C2CD3: variants seen among roughly 807,000 people sequenced by gnomAD.
C2CD3 encodes the protein C2 domain containing 3 centriole elongation regulator, also known as C2 domain-containing protein 3.
C2CD3 carries 148 observed loss-of-function variants against 234.0 expected under a neutral mutation model. That is an observed-to-expected ratio of 0.63 (90% CI 0.55 to 0.72). The LOEUF is 0.72. C2CD3 is among the 30% of genes least tolerant of loss of function. The probability of loss-of-function intolerance (pLI) is 0.00; values close to 1 mark genes in which losing one functional copy is unlikely to be tolerated. For synonymous variants in C2CD3, 1,000 were observed against 1,035.4 expected (o/e 0.97, Z 0.66); for missense variants, 2,577 against 2,811.5 (o/e 0.92, Z 1.89).
chr11:74,170,127 ACT>A (rs1857071386), intron 1 of C2CD3, among the ~76,000 whole-genome samples: 1 of 151,402 alleles, frequency 6.6e-6, no homozygotes, highest in African/African-American at 2.4e-5. Context: ...TCTGCTGCAC[ACT>A]CTTTCATGAT....
chr11:74,122,600 T>C (rs1957255536), intron 8 of C2CD3, among the ~76,000 whole-genome samples: 1 of 152,224 alleles, frequency 6.6e-6, no homozygotes, highest in East Asian at 1.9e-4. Context: ...GAGTTTTGTC[T>C]CCTGTGAGTA....
intron 11 of C2CD3, 193 bp downstream of exon 11, chr11:74,113,587 G>A: frequency 1.7e-6 from 1 of 573,180 alleles, no homozygotes; most frequent in Non-Finnish European, 3.2e-6. Context: ...GGCTGAGATG[G>A]GAGAATCACT....
intron 9 of C2CD3, among the ~76,000 whole-genome samples, chr11:74,117,187 T>C (rs1413360883): frequency 6.6e-5 from 1 of 15,242 alleles, no homozygotes. Context: ...TATATATGAA[T>C]ATATATATAT....
intron 28 of C2CD3, among the ~76,000 whole-genome samples, chr11:74,044,812 G>A (rs1442298821): frequency 6.6e-6 from 1 of 151,274 alleles, no homozygotes; most frequent in Non-Finnish European, 1.5e-5. Context: ...GTGGTATTTG[G>A]TTTTCTGTTC....
At chr11:74,099,692 C>T (rs952372108) in intron 15 of C2CD3, among the ~76,000 whole-genome samples, 4 of 151,998 alleles carry the variant, frequency 2.6e-5, no homozygotes, top group Non-Finnish European at 5.9e-5. Context: ...GTCAGGAGAT[C>T]GAGACTGTCC....
intron 24 of C2CD3, among the ~76,000 whole-genome samples, chr11:74,069,457 G>A (rs898673935): frequency 1.1e-4 from 17 of 152,254 alleles, no homozygotes; most frequent in African/African-American, 4.1e-4. Context: ...CAAGAAAGGT[G>A]TAATTGTTTC....
intron 2 of C2CD3, 97 bp from the exon 3 acceptor site, chr11:74,161,653 C>A: frequency 1.4e-6 from 1 of 698,742 alleles, no homozygotes; most frequent in Non-Finnish European, 2.3e-6. Flanking sequence ...AGCTTTCTAA[C>A]TTGAAAAAAA....
chr11:74,060,774 T>C (rs1056394742), intron 24 of C2CD3, among the ~76,000 whole-genome samples: 5 of 152,184 alleles, frequency 3.3e-5, no homozygotes, highest in African/African-American at 1.2e-4. Flanking sequence ...GGAGAATGAC[T>C]TTGACGAGTT....
intron 31 of C2CD3, among the ~76,000 whole-genome samples, chr11:74,032,797 T>C (rs961613834): frequency 1.3e-5 from 2 of 151,620 alleles, no homozygotes; most frequent in Non-Finnish European, 2.9e-5. Flanking sequence ...TATAAGAATC[T>C]GAGGCTGCAG....
chr11:74,094,611 G>A (rs1251740275), intron 17 of C2CD3, among the ~76,000 whole-genome samples: 2 of 152,108 alleles, frequency 1.3e-5, no homozygotes, highest in Admixed American at 6.5e-5. Flanking sequence ...GACAGTAGGA[G>A]GCAGTGAGAA....
chr11:74,103,059 AAAT>A lies in C2CD3; in HGVS notation c.2580+69_2580+71del, dbSNP rs1956372902. On this transcript the variant is annotated intron_variant, in intron 14 of 32. Coordinates refer to ENST00000334126, the MANE Select transcript of C2CD3 (RefSeq NM_001286577.2). ...GTCTGAACATTCTAGATTTAAGACG[AAAT>A]AATAATTTGGGAGGCATTTGTCTCT... is the stretch of plus-strand genomic sequence containing the variant. The A allele has an allele frequency of 7.7e-6, 11 of 1,422,108 alleles. No homozygotes were observed. The South Asian group carries it at 1.2e-4, about 16-fold the overall frequency. The allele number at this position is 1,422,108 out of a possible 1,614,324, so 88.1% of individuals were successfully genotyped here. A position where few individuals can be genotyped will look rare whatever the true frequency, so the allele number is the denominator to read the frequency against.
chr11:74,038,795 C>T lies in C2CD3; in HGVS notation c.5661-1097G>A, dbSNP rs571407757. Among the ~76,000 whole-genome samples the T allele has an allele frequency of 3.4e-4, 52 of 152,170 alleles. 1 individual carries two copies. Among genetic ancestry groups the T allele is most frequent in the Non-Finnish European group, 6.6e-4 (45 of 68,030 alleles). On this transcript the variant is annotated intron_variant, in intron 29 of 32. Transcript: ENST00000334126. ...ACATCAAACTTTTTCTTAGATTTTCCCTTAATTGTCTCATTATATGTTAGT... is the reference window on the plus strand; with the variant it reads ...ACATCAAACTTTTTCTTAGATTTTCTCTTAATTGTCTCATTATATGTTAGT...
intron 5 of C2CD3, among the ~76,000 whole-genome samples, chr11:74,134,146 T>C (rs1003341887): frequency 1.3e-5 from 2 of 152,238 alleles, no homozygotes; most frequent in Admixed American, 1.3e-4. Context: ...GTATTACTCA[T>C]TTAATCCTCC....
intron 24 of C2CD3, 138 bp from the exon 25 acceptor site, chr11:74,057,682 G>A: frequency 2.2e-6 from 2 of 897,044 alleles, no homozygotes; most frequent in Non-Finnish European, 3.4e-6. Flanking sequence ...TGTCTGAAAT[G>A]TTTTCAGGCT....
intron 27 of C2CD3, among the ~76,000 whole-genome samples, chr11:74,048,995 A>G (rs995937941): frequency 2.0e-5 from 3 of 152,230 alleles, no homozygotes; most frequent in Admixed American, 2.0e-4. Flanking sequence ...AAGACTAATG[A>G]TATCAATGTA....
intron 3 of C2CD3, among the ~76,000 whole-genome samples, chr11:74,150,492 C>CAA (rs769668218): frequency 0.023 from 365 of 15,848 alleles, 21 homozygotes; most frequent in East Asian, 0.042. Context: ...GACCCTGTCT[C>CAA]AAAAAAAAAA....
chr11:74,106,327 T>A (rs777666357), intron 13 of C2CD3, 44 bp downstream of exon 13: 22 of 1,603,368 alleles, frequency 1.4e-5, no homozygotes, highest in Non-Finnish European at 1.7e-5. Flanking sequence ...CAATAATGCA[T>A]ACTCAGCAAA....
At chr11:74,066,666 G>C (rs1365158983) in intron 24 of C2CD3, among the ~76,000 whole-genome samples, 20 of 127,574 alleles carry the variant, frequency 1.6e-4, no homozygotes, top group Admixed American at 1.5e-3. Flanking sequence ...TTTTTTTTTT[G>C]AACAGAAAGA....
In C2CD3 at chr11:74,103,309, C is replaced by A. The variant is rs370228311; in HGVS notation, c.2402G>T (p.Ser801Ile). Residue 801 changes from serine to isoleucine, a missense_variant, in exon 14 of 33, where the codon AGT becomes ATT. Transcript: ENST00000334126. ...VNQTNGTTKE[S>I]ALLLHVLLMV... Reference sequence around the variant, plus strand: ...CAACAGCACATGCAACAGCAAAGCACTCTCTTTTGTTGTCCCATTTGTCTG... The same window carrying A: ...CAACAGCACATGCAACAGCAAAGCAATCTCTTTTGTTGTCCCATTTGTCTG... 1.2e-6 allele frequency: 2 copies of A among 1,614,012 alleles called. No homozygotes were observed. Among genetic ancestry groups the A allele is most frequent in the African/African-American group, 1.3e-5 (1 of 74,906 alleles).
Sources: gnomAD v4.1 joint callset for allele counts (sites outside exome capture counted in the v4.1 genomes callset) on GRCh38, gnomAD v4.1.1 for gene constraint, MANE v1.5 for transcripts, NCBI Gene and HGNC (gene_info 2026-07-23, HGNC 2026-07-21) for gene names.